Variants in PAPPA2 observed in about 807,000 individuals in gnomAD.
PAPPA2 encodes pappalysin-2.
In PAPPA2, 86 loss-of-function variants were observed where a neutral mutation model predicts 176.4. The observed-to-expected ratio is 0.49, with a 90% CI of 0.41 to 0.58. The LOEUF is 0.58. PAPPA2 is among the 20% of genes least tolerant of loss of function. The pLI is 0.00. For missense variants in PAPPA2, 2,073 were observed against 2,256.9 expected, an observed-to-expected ratio of 0.92 and a Z score of 1.65; for synonymous variants, 809 against 852.2, an observed-to-expected ratio of 0.95 and a Z score of 0.88.
At chr1:176,636,580 C>CT (rs1365738222) in intron 3 of PAPPA2, among the ~76,000 whole-genome samples, 3 of 151,924 alleles carry the variant, frequency 2.0e-5, no homozygotes, top group African/African-American at 7.2e-5. Flanking sequence ...CTGACTCAAA[C>CT]TTTTTTTTCC....
At chr1:176,502,511 T>C (rs1016163685) in intron 1 of PAPPA2, among the ~76,000 whole-genome samples, 21 of 152,182 alleles carry the variant, frequency 1.4e-4, no homozygotes, top group African/African-American at 4.3e-4. Flanking sequence ...TTGTATGTAT[T>C]ATTCTTAATA....
chr1:176,471,587 A>C lies in PAPPA2; in HGVS notation c.-917+8169A>C, dbSNP rs575699233. Among the ~76,000 whole-genome samples the C allele has an allele frequency of 2.0e-5, 3 of 152,236 alleles. No individual in the cohort carries two copies. In the South Asian group the frequency reaches 6.2e-4, roughly 32 times the overall value. ...CCTCCATGTATTTTGTCCCAGTTGC[A>C]ATTTCTGCCTCCCTCCCCATGAAAG... is the stretch of plus-strand genomic sequence containing the variant. On this transcript the variant is annotated intron_variant, in intron 1 of 22. Coordinates refer to ENST00000367662, the MANE Select transcript of PAPPA2 (RefSeq NM_020318.3).
intron 1 of PAPPA2, among the ~76,000 whole-genome samples, chr1:176,493,490 CA>C (rs1412323402): frequency 6.6e-6 from 1 of 152,136 alleles, no homozygotes; most frequent in African/African-American, 2.4e-5. Flanking sequence ...TTATGAATAC[CA>C]ATCTCCTGAA....
intron 3 of PAPPA2, among the ~76,000 whole-genome samples, chr1:176,634,719 G>A (rs1656561962): frequency 6.6e-6 from 1 of 151,666 alleles, no homozygotes; most frequent in Non-Finnish European, 1.5e-5. Flanking sequence ...CTGTAGTCTG[G>A]GAAAAGATAA....
Position 176,745,725 on chromosome 1 carries a change from A to G in PAPPA2, c.4151+5529A>G, listed in dbSNP as rs188823188. On this transcript the variant is annotated intron_variant, in intron 14 of 22. Transcript: ENST00000367662. ...GGAACAAATGTGGAAGAGGCTCCCA[A>G]CCCAAAGCTGAGGTTCAGATCTCAC... is the stretch of plus-strand genomic sequence containing the variant. 2.0e-5 allele frequency among the ~76,000 whole-genome samples: 3 copies of G among 152,318 alleles called. No individual in the cohort carries two copies. The East Asian group carries it at 5.8e-4, about 29-fold the overall frequency.
intron 21 of PAPPA2, among the ~76,000 whole-genome samples, chr1:176,828,662 A>G (rs1302352629): frequency 3.9e-5 from 6 of 152,148 alleles, no homozygotes; most frequent in Non-Finnish European, 7.3e-5. Flanking sequence ...ATGCACATGC[A>G]TTGCATAGAT....
rs775425678 is a variant in PAPPA2 at position 176,556,833 on chromosome 1, A to C, written c.511A>C (p.Thr171Pro). Residue 171 changes from threonine (T) to proline (P), a missense_variant, in exon 2 of 23, where the codon ACT becomes CCT. This residue lies in a region of PAPPA2 where 1,196 missense variants were observed against 1,330.4 expected (regional missense o/e 0.90). Coordinates refer to ENST00000367662, the MANE Select transcript of PAPPA2 (RefSeq NM_020318.3). ...TCAGAAAGGCTCAGCCATGGCTGCC[A>C]CTACTACCACCGCCATTTTCACAAC... The part of the protein sequence containing the change: ...GIQKGSAMAA[T>P]TTTAIFTTLN... 4 of 1,614,044 alleles carry C rather than the reference A, an allele frequency of 2.5e-6. No homozygotes were observed. The highest frequency in any genetic ancestry group is 2.5e-6 in the Non-Finnish European group (3 of 1,180,022).
chr1:176,515,314 A>T (rs1169193571), intron 1 of PAPPA2, among the ~76,000 whole-genome samples: 3 of 152,178 alleles, frequency 2.0e-5, no homozygotes, highest in Admixed American at 1.3e-4. Context: ...AAAGAGAGAC[A>T]CTTGAACTGC....
intron 21 of PAPPA2, among the ~76,000 whole-genome samples, chr1:176,808,617 TGAG>T (rs1666011611): frequency 6.6e-6 from 1 of 152,180 alleles, no homozygotes; most frequent in Non-Finnish European, 1.5e-5. Flanking sequence ...GCTCTGGTCT[TGAG>T]ACAACAAGCC....
At chr1:176,491,472 G>A (rs1057336608) in intron 1 of PAPPA2, among the ~76,000 whole-genome samples, 12 of 152,272 alleles carry the variant, frequency 7.9e-5, no homozygotes, top group Admixed American at 7.2e-4. Flanking sequence ...GAACATGTCC[G>A]ACATGTCTGG....
At chr1:176,581,459 C>A (rs1270427315) in intron 2 of PAPPA2, among the ~76,000 whole-genome samples, 1 of 152,052 alleles carries the variant, frequency 6.6e-6, no homozygotes, top group South Asian at 2.1e-4. Context: ...TTTGCAGTAG[C>A]CTGCAAAATT....
At chr1:176,805,061 CCCTT>C (rs61431554) in intron 21 of PAPPA2, among the ~76,000 whole-genome samples, 74,699 of 146,798 alleles carry the variant, frequency 0.51, 18,917 homozygotes, top group East Asian at 0.72. Flanking sequence ...CTTCTTCCTT[CCCTT>C]CCTTCCTTCC....
chr1:176,530,053 G>A lies in PAPPA2; in HGVS notation c.-916-25354G>A, dbSNP rs548245175. Among the ~76,000 whole-genome samples the A allele has an allele frequency of 1.2e-4, 18 of 152,168 alleles. No homozygotes were observed. The South Asian group carries it at 3.7e-3, about 32-fold the overall frequency. On this transcript the variant is annotated intron_variant, in intron 1 of 22. Coordinates refer to ENST00000367662, the MANE Select transcript of PAPPA2 (RefSeq NM_020318.3). ...TCTCTCTCTTTCGTTTTTGCAAGTG[G>A]GCATGTGATAGGGGCCACAAGAGAA...
intron 21 of PAPPA2, among the ~76,000 whole-genome samples, chr1:176,819,822 A>C (rs1294310259): frequency 1.3e-5 from 2 of 152,222 alleles, no homozygotes; most frequent in Non-Finnish European, 2.9e-5. Flanking sequence ...GAGCCTCTGC[A>C]CTTTCAGTGC....
At chr1:176,723,773 G>T (rs1012048421) in intron 12 of PAPPA2, among the ~76,000 whole-genome samples, 3 of 151,900 alleles carry the variant, frequency 2.0e-5, no homozygotes, top group African/African-American at 7.3e-5. Context: ...TGAGCCAATA[G>T]AGCAAAAGTG....
At chr1:176,679,767 C>A (rs1455318225) in intron 4 of PAPPA2, among the ~76,000 whole-genome samples, 1 of 152,098 alleles carries the variant, frequency 6.6e-6, no homozygotes, top group Non-Finnish European at 1.5e-5. Context: ...GAGCAAATGA[C>A]TCAGAAGTCA....
At chr1:176,477,160 A>G (rs1011151866) in intron 1 of PAPPA2, among the ~76,000 whole-genome samples, 19 of 152,134 alleles carry the variant, frequency 1.2e-4, no homozygotes, top group African/African-American at 4.3e-4. Context: ...TATTTCTACC[A>G]TTAAAATCTA....
chr1:176,480,435 G>A (rs1425856497), intron 1 of PAPPA2, among the ~76,000 whole-genome samples: 1 of 152,122 alleles, frequency 6.6e-6, no homozygotes, highest in Non-Finnish European at 1.5e-5. Flanking sequence ...CATCCTAACT[G>A]GCCCCATTTT....
chr1:176,815,395 A>G (rs1666332577), intron 21 of PAPPA2, among the ~76,000 whole-genome samples: 1 of 152,190 alleles, frequency 6.6e-6, no homozygotes, highest in African/African-American at 2.4e-5. Flanking sequence ...TATTTGGAAG[A>G]CTAGCAGTTC....
Sources: allele counts gnomAD v4.1 joint callset (sites outside exome capture counted in the v4.1 genomes callset), GRCh38; gene constraint gnomAD v4.1.1; regional missense constraint gnomAD v4.1.1; transcripts MANE v1.5; gene names NCBI Gene and HGNC (gene_info 2026-07-23, HGNC 2026-07-21).